Variants in IFT80 observed in about 807,000 individuals in gnomAD.
The protein encoded by IFT80 is intraflagellar transport 80, also known as intraflagellar transport protein 80 homolog.
IFT80 carries 79 observed loss-of-function variants against 107.9 expected under a neutral mutation model. That is an observed-to-expected ratio of 0.73 (90% CI 0.61 to 0.88). IFT80 has a LOEUF of 0.88. Ranked by LOEUF, IFT80 falls within the 40% of genes least tolerant of loss-of-function variation. The probability of loss-of-function intolerance (pLI) is 0.00; values close to 1 mark genes in which losing one functional copy is unlikely to be tolerated. For synonymous variants in IFT80, 299 were observed against 300.9 expected, an observed-to-expected ratio of 0.99 and a Z score of 0.07; for missense variants, 797 against 914.2, an observed-to-expected ratio of 0.87 and a Z score of 1.65.
rs527263116 is a variant in IFT80 at position 160,334,922 on chromosome 3, T to C, written c.778-14983A>G. ...TCTCAGTGAGCTCTGGTTCATTTTA[T>C]AAAAATGTGGAAAATATTATTTAAA... On this transcript the variant is annotated intron_variant, in intron 8 of 19. Coordinates refer to ENST00000326448, the MANE Select transcript of IFT80 (RefSeq NM_020800.3). 1.2e-4 allele frequency among the ~76,000 whole-genome samples: 18 copies of C among 152,230 alleles called. No homozygotes were observed. The South Asian group carries it at 3.5e-3, about 30-fold the overall frequency.
rs143148828 is a variant in IFT80, at chr3:160,389,153, T to C, written c.-46-4507A>G. On this transcript the variant is annotated intron_variant, in intron 1 of 19. Transcript: ENST00000326448. ...AAGAATTAAAGCTGAGATAAGCCAT[T>C]ATGAGGTTCCATTCAACCTTTCCAG... Among the ~76,000 whole-genome samples, 19 of 152,194 alleles carry C rather than the reference T, an allele frequency of 1.2e-4. No individual in the cohort carries two copies. The East Asian group carries it at 2.9e-3, about 23-fold the overall frequency.
chr3:160,278,144 C>A (rs1372934723), intron 16 of IFT80, among the ~76,000 whole-genome samples: 1 of 152,122 alleles, frequency 6.6e-6, no homozygotes, highest in Non-Finnish European at 1.5e-5. Context: ...AAATCATTTT[C>A]TTTTCTAACA....
At chr3:160,383,374 A>G (rs945845006) in intron 2 of IFT80, 4 of 774,038 alleles carry the variant, frequency 5.2e-6, no homozygotes, top group Non-Finnish European at 4.7e-6. Context: ...GGGAATAAAA[A>G]TAATTACATC....
intron 8 of IFT80, among the ~76,000 whole-genome samples, chr3:160,338,455 A>G (rs1374727097): frequency 6.6e-6 from 1 of 152,126 alleles, no homozygotes; most frequent in Non-Finnish European, 1.5e-5. Context: ...CAACATAGTG[A>G]TACCCTGTCA....
At chr3:160,320,877 A>G (rs1718162654) in intron 8 of IFT80, among the ~76,000 whole-genome samples, 1 of 151,840 alleles carries the variant, frequency 6.6e-6, no homozygotes, top group Non-Finnish European at 1.5e-5. Flanking sequence ...AAATATAAAG[A>G]TTTACTAATT....
intron 19 of IFT80, 41 bp downstream of exon 19, chr3:160,268,372 T>C (rs1049253652): frequency 7.3e-6 from 11 of 1,508,706 alleles, no homozygotes; most frequent in Non-Finnish European, 6.4e-6. Flanking sequence ...CATATACTTA[T>C]AAAGCATATG....
At chr3:160,341,867 C>T (rs984411969) in intron 8 of IFT80, among the ~76,000 whole-genome samples, 3 of 152,202 alleles carry the variant, frequency 2.0e-5, no homozygotes, top group Non-Finnish European at 4.4e-5. Flanking sequence ...CTTTCCCTGG[C>T]TTCTGGAAGG....
intron 18 of IFT80, among the ~76,000 whole-genome samples, chr3:160,275,425 A>C (rs1714183174): frequency 6.6e-6 from 1 of 152,102 alleles, no homozygotes; most frequent in Non-Finnish European, 1.5e-5. Flanking sequence ...TTATCTCTCT[A>C]ATTATTTATC....
At chr3:160,349,579 A>G (rs1364483701) in intron 8 of IFT80, among the ~76,000 whole-genome samples, 2 of 152,192 alleles carry the variant, frequency 1.3e-5, no homozygotes, top group African/African-American at 4.8e-5. Context: ...TTAGATTCTT[A>G]TATATCTGAT....
intron 9 of IFT80, among the ~76,000 whole-genome samples, chr3:160,310,114 G>A (rs1368252081): frequency 6.6e-6 from 1 of 152,188 alleles, no homozygotes; most frequent in Non-Finnish European, 1.5e-5. Context: ...AGATCTGATT[G>A]TGGTCTATAA....
intron 12 of IFT80, chr3:160,299,054 G>C: frequency 1.1e-6 from 1 of 897,510 alleles, no homozygotes; most frequent in Non-Finnish European, 1.3e-6. Flanking sequence ...TGTTGAATAA[G>C]GAAAGCATAG....
At chr3:160,320,073 T>C in intron 8 of IFT80, 134 bp from the exon 9 acceptor site, 1 of 682,942 alleles carries the variant, frequency 1.5e-6, no homozygotes, top group East Asian at 2.7e-5. Context: ...TTTTTCTTAA[T>C]AAAATTATAG....
chr3:160,293,086 A>G (rs1454139555), intron 12 of IFT80, among the ~76,000 whole-genome samples: 3 of 152,244 alleles, frequency 2.0e-5, no homozygotes, highest in Non-Finnish European at 4.4e-5. Context: ...CTGAGAGTAA[A>G]GAAATGAATA....
In IFT80 at chr3:160,257,049, C is replaced by T. The variant is rs1025219240; in HGVS notation, c.*1476G>A. 6.6e-6 allele frequency: 1 copy of T among 151,888 alleles called. No individual in the cohort carries two copies. Among genetic ancestry groups the T allele is most frequent in the Non-Finnish European group, 1.5e-5 (1 of 67,980 alleles). 9.4% of individuals were successfully genotyped at this position (151,888 alleles called of 1,614,324 possible). ...GTGGTAAAATATACATAACATAAAA[C>T]CTTTTAACCATTTATTTTTAAACAT... is the stretch of plus-strand genomic sequence containing the variant. On this transcript the variant is annotated 3_prime_UTR_variant, in exon 20 of 20. Coordinates refer to ENST00000326448, the MANE Select transcript of IFT80 (RefSeq NM_020800.3).
At chr3:160,308,905 C>T (rs1717022595) in intron 9 of IFT80, among the ~76,000 whole-genome samples, 1 of 152,130 alleles carries the variant, frequency 6.6e-6, no homozygotes, top group Non-Finnish European at 1.5e-5. Context: ...CAGAGAGCTG[C>T]CTTGCCCATT....
chr3:160,366,072 G>C lies in IFT80; in HGVS notation c.520C>G (p.Pro174Ala). 6.2e-7 allele frequency: 1 copy of C among 1,612,480 alleles called. No homozygotes were observed. Among genetic ancestry groups the C allele is most frequent in the South Asian group, 1.1e-5 (1 of 91,042 alleles). Residue 174 changes from proline to alanine, a missense_variant, in exon 6 of 20, where the codon CCT (proline) becomes GCT (alanine). Physicochemically the swap from Pro to Ala is conservative, Grantham distance 27 (BLOSUM62 -1). Coordinates refer to ENST00000326448, the MANE Select transcript of IFT80 (RefSeq NM_020800.3). Reference sequence around the variant, plus strand: ...AAAACTTTAGCATTTGGTTGAAGAGGTTTAATGATTAGCTGCTTGCCTGCT... The same window carrying C: ...AAAACTTTAGCATTTGGTTGAAGAGCTTTAATGATTAGCTGCTTGCCTGCT... ...YTAGKQLIIK[P>A]LQPNAKVLQW...
At chr3:160,352,859 T>A (rs1450122214) in intron 8 of IFT80, among the ~76,000 whole-genome samples, 4 of 152,194 alleles carry the variant, frequency 2.6e-5, no homozygotes, top group Non-Finnish European at 4.4e-5. Flanking sequence ...TTTCTTTCCA[T>A]CTCCACTGCT....
Position 160,257,345 on chromosome 3 carries a change from T to C in IFT80, c.*1180A>G, listed in dbSNP as rs1247049115. 1.3e-5 allele frequency: 2 copies of C among 152,168 alleles called. No individual in the cohort carries two copies. Among genetic ancestry groups the C allele is most frequent in the Non-Finnish European group, 2.9e-5 (2 of 68,038 alleles). 9.4% of individuals were successfully genotyped at this position (152,168 alleles called of 1,614,324 possible). A position where few individuals can be genotyped will look rare whatever the true frequency, so the allele number is the denominator to read the frequency against. Reference sequence around the variant, plus strand: ...ACATAATCCCATATCTATGCATCTATACCCACCCTATAATGTACCATTTTC... The same window carrying C: ...ACATAATCCCATATCTATGCATCTACACCCACCCTATAATGTACCATTTTC... On this transcript the variant is annotated 3_prime_UTR_variant, in exon 20 of 20. Coordinates refer to ENST00000326448, the MANE Select transcript of IFT80 (RefSeq NM_020800.3).
In IFT80 at chr3:160,268,421, C is replaced by T. The variant is rs2108209837; in HGVS notation, c.2215G>A (p.Ala739Thr). The T allele has an allele frequency of 6.2e-7, 1 of 1,612,186 alleles. No homozygotes were observed. The highest frequency in any genetic ancestry group is 8.5e-7 in the Non-Finnish European group (1 of 1,178,420). Reference protein sequence around the residue: ...QETNKRYLHYAEGLQIDWEKI... With the variant: ...QETNKRYLHYTEGLQIDWEKI... ...AATTGTGAAATACTTACACCTTCTG[C>T]ATAATGCAAGTATCGTTTATTAGTT... is the stretch of plus-strand genomic sequence containing the variant. Residue 739 changes from alanine (A) to threonine (T), a missense_variant, in exon 19 of 20, where the codon GCA (alanine) becomes ACA (threonine). Physicochemically the swap from Ala to Thr is moderately conservative, Grantham distance 58 (BLOSUM62 0). Transcript: ENST00000326448.
Sources: gnomAD v4.1 joint callset for allele counts (sites outside exome capture counted in the v4.1 genomes callset) on GRCh38, gnomAD v4.1.1 for gene constraint, MANE v1.5 for transcripts, NCBI Gene and HGNC (gene_info 2026-07-23, HGNC 2026-07-21) for gene names.